The following GDPD3 variants were observed in gnomAD, a reference collection of about 807,000 sequenced individuals.
GDPD3 encodes lysophospholipase D GDPD3.
GDPD3 carries 40 observed loss-of-function variants against 43.7 expected under a neutral mutation model. The ratio of observed to expected loss-of-function variants is 0.91; its 90% CI spans 0.71 to 1.19. The LOEUF (loss-of-function observed/expected upper bound fraction) is 1.19, where lower values mean the gene tolerates loss of function less well. Ranked by LOEUF, GDPD3 falls within the 50% of genes most tolerant of loss-of-function variation. The pLI is 0.00. For synonymous variants in GDPD3, 145 were observed against 162.9 expected (o/e 0.89, Z 0.84); for missense variants, 363 against 415.8 (o/e 0.87, Z 1.11).
In GDPD3 at chr16:30,112,656, A is replaced by T. The variant is rs758404610; in HGVS notation, c.318+2T>A. On this transcript the variant is annotated splice_donor_variant, in intron 3 of 9. Transcript: ENST00000406256. LOFTEE classifies it high-confidence loss of function. The surrounding 1 kb of genome is among the most constrained non-coding windows in gnomAD (Gnocchi z 5.4). ...GGGTTGGGGTGTCAGGGCAGGGCCC[A>T]CCTCGAAGTCCAGGCTGCCCACATC... 1 of 1,614,024 alleles carries T rather than the reference A, an allele frequency of 6.2e-7. No individual in the cohort carries two copies. The highest frequency in any genetic ancestry group is 8.5e-7 in the Non-Finnish European group (1 of 1,179,966).
Position 30,112,737 on chromosome 16 carries a change from C to T in GDPD3, c.239G>A (p.Arg80Lys). The T allele has an allele frequency of 6.2e-7, 1 of 1,613,474 alleles. No individual in the cohort carries two copies. The highest frequency in any genetic ancestry group is 1.1e-5 in the South Asian group (1 of 91,088). The change falls in exon 3 of 10, where the codon AGA becomes AAA. Residue 80 changes from arginine (R) to lysine (K), a missense_variant. By Grantham distance (26) the Arg-to-Lys change is conservative. Transcript: ENST00000406256. The surrounding 1 kb of genome is among the most constrained non-coding windows in gnomAD (Gnocchi z 5.4). ...LELDCQLTRDRVVVVSHDENL... is the reference protein window; with the variant it reads ...LELDCQLTRDKVVVVSHDENL... ...CTCATCATGTGACACCACCACCACTCTGTCCCGTGTCAGCTGACAGTCGAG... is the reference window on the plus strand; with the variant it reads ...CTCATCATGTGACACCACCACCACTTTGTCCCGTGTCAGCTGACAGTCGAG...
At chr16:30,108,337 TG>T in intron 8 of GDPD3, 35 bp downstream of exon 8, 2 of 1,613,328 alleles carry the variant, frequency 1.2e-6, no homozygotes, top group Non-Finnish European at 1.7e-6. Flanking sequence ...TAGGTCTCTA[TG>T]GGGACACGCC....
Position 30,113,434 on chromosome 16 carries a change from A to G in GDPD3, c.45T>C (p.Tyr15=), listed in dbSNP as rs1296178708. 7 of 1,610,168 alleles carry G rather than the reference A, an allele frequency of 4.3e-6. No homozygotes were observed. The South Asian group carries it at 7.7e-5, about 18-fold the overall frequency. The change falls in exon 1 of 10, where the codon TAT becomes TAC. Residue 15 remains tyrosine, a synonymous_variant. Coordinates refer to ENST00000406256, the MANE Select transcript of GDPD3 (RefSeq NM_024307.3). This position sits in a 1 kb window ranked among gnomAD's most constrained non-coding sequence, Gnocchi z 5.9. Reference sequence around the variant, plus strand: ...GCAGGAAGAAGATGGAGAGCATGGCATAGCTGCCCAGGGCAGGGAGGGCAT... The same window carrying G: ...GCAGGAAGAAGATGGAGAGCATGGCGTAGCTGCCCAGGGCAGGGAGGGCAT... The part of the protein sequence containing the change: ...LYYALPALGS[Y]AMLSIFFLRR...
At chr16:30,109,745 C>T (rs1364207241) in intron 7 of GDPD3, among the ~76,000 whole-genome samples, 2 of 152,034 alleles carry the variant, frequency 1.3e-5, no homozygotes, top group Admixed American at 6.6e-5. Flanking sequence ...GCGGAGGTTG[C>T]GGTGAGCCAA....
chr16:30,108,763 A>T (rs540539741), intron 7 of GDPD3, among the ~76,000 whole-genome samples: 14 of 152,128 alleles, frequency 9.2e-5, no homozygotes, highest in Non-Finnish European at 1.3e-4. Flanking sequence ...CTGGACATCC[A>T]GGCTGCAGGC....
chr16:30,107,596 G>A (rs2072868963), intron 9 of GDPD3: 1 of 152,086 alleles, frequency 6.6e-6, no homozygotes, highest in South Asian at 2.1e-4. Context: ...TCTCATCAGG[G>A]ATCATGATAC....
At position 30,112,075 on chromosome 16, in the gene GDPD3, TG is replaced by T; in HGVS notation, c.573+56del. On this transcript the variant is annotated intron_variant, in intron 6 of 9. Transcript: ENST00000406256. The surrounding 1 kb of genome is among the most constrained non-coding windows in gnomAD (Gnocchi z 5.4). Reference sequence around the variant, plus strand: ...CCCCATGCTGGGTGGGCTCCAGCTCTGGGGAGGAGGGGCCCCTGGAGGAGGA... The same window carrying T: ...CCCCATGCTGGGTGGGCTCCAGCTCTGGGAGGAGGGGCCCCTGGAGGAGGA... The T allele has an allele frequency of 7.1e-7, 1 of 1,402,504 alleles. No individual in the cohort carries two copies. Among genetic ancestry groups the T allele is most frequent in the Non-Finnish European group, 1.0e-6 (1 of 996,558 alleles). 86.9% of individuals were successfully genotyped at this position (1,402,504 alleles called of 1,614,324 possible).
rs2072913243 is a variant in GDPD3 at position 30,112,774 on chromosome 16, C to A, written c.202G>T (p.Asp68Tyr). The A allele has an allele frequency of 6.2e-7, 1 of 1,609,888 alleles. No individual in the cohort carries two copies. The highest frequency in any genetic ancestry group is 1.7e-5 in the Admixed American group (1 of 59,964). Reference sequence around the variant, plus strand: ...AGCTGACAGTCGAGCTCCAGGAGGTCCGAGCGCTGGGCCATGGAGCTGTGG... The same window carrying A: ...AGCTGACAGTCGAGCTCCAGGAGGTACGAGCGCTGGGCCATGGAGCTGTGG... ...AMENSMAQRS[D>Y]LLELDCQLTR... The change falls in exon 3 of 10, where the codon GAC becomes TAC. Residue 68 changes from aspartate to tyrosine, a missense_variant. Asp to Tyr is a radical substitution (Grantham distance 160, BLOSUM62 -3). Transcript: ENST00000406256. The surrounding 1 kb of genome is among the most constrained non-coding windows in gnomAD (Gnocchi z 5.4).
In GDPD3 at chr16:30,112,718, A is replaced by G. The variant is rs1476943849; in HGVS notation, c.258T>C (p.His86=). 4 of 1,613,498 alleles carry G rather than the reference A, an allele frequency of 2.5e-6. No homozygotes were observed. In the African/African-American group the frequency reaches 5.3e-5, roughly 22 times the overall value. Residue 86 remains histidine, a synonymous_variant, in exon 3 of 10, where the codon CAT becomes CAC. Coordinates refer to ENST00000406256, the MANE Select transcript of GDPD3 (RefSeq NM_024307.3). The surrounding 1 kb of genome is among the most constrained non-coding windows in gnomAD (Gnocchi z 5.4). ...LTRDRVVVVS[H]DENLCRQSGL... is the part of the protein sequence containing the mutation. ...CCGACTGGCGGCACAGGTTCTCATC[A>G]TGTGACACCACCACCACTCTGTCCC...
In GDPD3 at chr16:30,111,507, G is replaced by A. The variant is rs748181165; in HGVS notation, c.588C>T (p.Pro196=). 6.2e-7 allele frequency: 1 copy of A among 1,613,958 alleles called. No individual in the cohort carries two copies. The highest frequency in any genetic ancestry group is 8.5e-7 in the Non-Finnish European group (1 of 1,179,916). ...ATCCTCGGCTTATTGTGAAGGACAG[G>A]GGCATCTCGGGGTTCTGGGGAGGCA... ...KKCKAANPEM[P]LSFTISRGFW... The change falls in exon 7 of 10, where the codon CCC becomes CCT. Residue 196 remains proline (P), a synonymous_variant. Coordinates refer to ENST00000406256, the MANE Select transcript of GDPD3 (RefSeq NM_024307.3).
Position 30,113,234 on chromosome 16 carries a change from C to A in GDPD3, c.139+106G>T. 1 of 1,456,194 alleles carries A rather than the reference C, an allele frequency of 6.9e-7. No individual in the cohort carries two copies. The highest frequency in any genetic ancestry group is 1.3e-5 in the South Asian group (1 of 75,722). 90.2% of individuals were successfully genotyped at this position (1,456,194 alleles called of 1,614,324 possible). ...TCGTCCACACCCTGCCCTGCCACTTCGCTCTCCTTCTCTCTTGGTCCCTGC... is the reference window on the plus strand; with the variant it reads ...TCGTCCACACCCTGCCCTGCCACTTAGCTCTCCTTCTCTCTTGGTCCCTGC... On this transcript the variant is annotated intron_variant, in intron 1 of 9. Transcript: ENST00000406256. The surrounding 1 kb of genome is among the most constrained non-coding windows in gnomAD (Gnocchi z 5.9).
chr16:30,111,265 G>A, intron 7 of GDPD3, 123 bp downstream of exon 7: 1 of 1,096,620 alleles, frequency 9.1e-7, no homozygotes, highest in Non-Finnish European at 1.3e-6. Flanking sequence ...AAGAACCACT[G>A]TCCTTAAAAG....
intron 7 of GDPD3, chr16:30,110,860 C>CA (rs10523466): frequency 0.049 from 4,308 of 88,444 alleles, 341 homozygotes; most frequent in East Asian, 0.33. Context: ...AAGACTGTCT[C>CA]AAAAAAAAAA....
chr16:30,113,259 C>T lies in GDPD3; in HGVS notation c.139+81G>A. The T allele has an allele frequency of 6.6e-7, 1 of 1,505,502 alleles. No homozygotes were observed. 93.3% of individuals were successfully genotyped at this position (1,505,502 alleles called of 1,614,324 possible). On this transcript the variant is annotated intron_variant, in intron 1 of 9. Transcript: ENST00000406256. The surrounding 1 kb of genome is among the most constrained non-coding windows in gnomAD (Gnocchi z 5.9). ...CGCTCTCCTTCTCTCTTGGTCCCTGCCCCGTTTCTAGCATGCCCCCTTGGA... is the reference window on the plus strand; with the variant it reads ...CGCTCTCCTTCTCTCTTGGTCCCTGTCCCGTTTCTAGCATGCCCCCTTGGA...
At chr16:30,108,106 C>T in intron 9 of GDPD3, 107 bp downstream of exon 9, 1 of 888,382 alleles carries the variant, frequency 1.1e-6, no homozygotes, top group Non-Finnish European at 1.7e-6. Flanking sequence ...GACGAAGAAA[C>T]TGAGGTGAGG....
Position 30,112,544 on chromosome 16 carries a change from G to C in GDPD3, c.343C>G (p.Leu115Val), listed in dbSNP as rs2072910440. 1.1e-5 allele frequency: 18 copies of C among 1,614,176 alleles called. No homozygotes were observed. The highest frequency in any genetic ancestry group is 1.4e-5 in the Non-Finnish European group (16 of 1,180,030). The change falls in exon 4 of 10, where the codon CTG (leucine) becomes GTG (valine). Residue 115 changes from leucine (L) to valine (V), a missense_variant. Leu to Val is a conservative substitution (Grantham distance 32). Transcript: ENST00000406256. The surrounding 1 kb of genome is among the most constrained non-coding windows in gnomAD (Gnocchi z 5.4). ...TCACCTGGAGAGAAGTAAACCTCCA[G>C]CTTCTCCTTGTAGAGGGGCAGGTCC... ...FEDLPLYKEKLEVYFSPGHFA... is the reference protein window; with the variant it reads ...FEDLPLYKEKVEVYFSPGHFA...
chr16:30,112,158 A>G lies in GDPD3; in HGVS notation c.547T>C (p.Ser183Pro). ...GCAGCCTTGCATTTCTTCATGACCG[A>G]GCTCTTCTCCGAGGCCCAGATGGTG... is the stretch of plus-strand genomic sequence containing the variant. ...EITIWASEKS[S>P]VMKKCKAANP... Residue 183 changes from serine to proline, a missense_variant, in exon 6 of 10, where the codon TCG becomes CCG. By Grantham distance (74) the Ser-to-Pro change is moderately conservative. Transcript: ENST00000406256. The surrounding 1 kb of genome is among the most constrained non-coding windows in gnomAD (Gnocchi z 5.4). 6.2e-7 allele frequency: 1 copy of G among 1,613,800 alleles called. No individual in the cohort carries two copies. Among genetic ancestry groups the G allele is most frequent in the Non-Finnish European group, 8.5e-7 (1 of 1,179,924 alleles).
rs758930580 is a variant in GDPD3 at position 30,112,783 on chromosome 16, G to A, written c.193C>T (p.Gln65Ter). 6.2e-7 allele frequency: 1 copy of A among 1,608,698 alleles called. No individual in the cohort carries two copies. Among genetic ancestry groups the A allele is most frequent in the Non-Finnish European group, 8.5e-7 (1 of 1,179,842 alleles). Reference protein sequence around the residue: ...TMEAMENSMAQRSDLLELDCQ... With the variant: ...TMEAMENSMA ...TCGAGCTCCAGGAGGTCCGAGCGCT[G>A]GGCCATGGAGCTGTGGGGGTGAAGG... Residue 65 changes from glutamine to a stop codon, truncating the protein, a stop_gained, in exon 3 of 10, where the codon CAG becomes TAG. Coordinates refer to ENST00000406256, the MANE Select transcript of GDPD3 (RefSeq NM_024307.3). LOFTEE classifies it high-confidence loss of function. The surrounding 1 kb of genome is among the most constrained non-coding windows in gnomAD (Gnocchi z 5.4).
In GDPD3 at chr16:30,112,273, C is replaced by G. The variant is rs762451666; in HGVS notation, c.483+33G>C. The G allele has an allele frequency of 2.5e-6, 4 of 1,613,114 alleles. No homozygotes were observed. Among genetic ancestry groups the G allele is most frequent in the Non-Finnish European group, 3.4e-6 (4 of 1,179,068 alleles). ...GAGAGCCAGGCCTCTCTCACGCCCC[C>G]GGTGGCCGCCCTAGCCCTGCCTGCA... On this transcript the variant is annotated intron_variant, in intron 5 of 9. Transcript: ENST00000406256. This position sits in a 1 kb window ranked among gnomAD's most constrained non-coding sequence, Gnocchi z 5.4.
Sources: gnomAD v4.1 joint callset for allele counts (sites outside exome capture counted in the v4.1 genomes callset) on GRCh38, gnomAD v4.1.1 for gene constraint, Gnocchi (gnomAD v3.1) non-coding constraint, MANE v1.5 for transcripts, NCBI Gene and HGNC (gene_info 2026-07-23, HGNC 2026-07-21) for gene names.